PSG5: variants seen among roughly 807,000 people sequenced by gnomAD.
The protein encoded by PSG5 is pregnancy specific beta-1-glycoprotein 5, also known as pregnancy-specific beta-1-glycoprotein 5.
In PSG5, 53 loss-of-function variants were observed where a neutral mutation model predicts 37.7. That is an observed-to-expected ratio of 1.41 (90% CI 1.13 to 1.77). The LOEUF (loss-of-function observed/expected upper bound fraction) is 1.77, where lower values mean the gene tolerates loss of function less well. Among genes scored for constraint, PSG5 ranks in the 40% most tolerant of loss-of-function variants. The pLI, the probability that PSG5 is intolerant of heterozygous loss-of-function variation, is 0.00. For missense variants in PSG5, 547 were observed against 405.2 expected (o/e 1.35, Z -3.00); for synonymous variants, 221 against 155.4 (o/e 1.42, Z -3.14).
intron 4 of PSG5, chr19:43,171,146 G>T (rs1345346607): frequency 1.3e-5 from 2 of 151,494 alleles, no homozygotes; most frequent in African/African-American, 4.9e-5. Context: ...GCTTATCATG[G>T]TGTAAAAACT....
intron 2 of PSG5, among the ~76,000 whole-genome samples, chr19:43,182,722 T>TTTTTTTTTTTTTTTTTTTTTTC (rs1969155634): frequency 7.5e-6 from 1 of 134,078 alleles, no homozygotes; most frequent in Non-Finnish European, 1.6e-5. Flanking sequence ...TTTTTTTTTT[T>TTTTTTTTTTTTTTTTTTTTTTC]TGTGCAGGAG....
chr19:43,179,235 C>A, intron 2 of PSG5: 2 of 1,435,208 alleles, frequency 1.4e-6, no homozygotes, highest in Non-Finnish European at 1.9e-6. Context: ...TCAGAGTTGG[C>A]ATTTCCCACC....
rs143404539 is a variant in PSG5, at chr19:43,184,864, G to T, written c.348C>A (p.Asp116Glu). 1 of 1,612,552 alleles carries T rather than the reference G, an allele frequency of 6.2e-7. No individual in the cohort carries two copies. Among genetic ancestry groups the T allele is most frequent in the East Asian group, 2.2e-5 (1 of 44,870 alleles). ...SLLIQNVTRE[D>E]AGSYTLHIIK... ...TGATGTGTAAGGTGTAGGATCCTGC[G>T]TCTTCCCGGGTGACATTCTGGATCA... is the stretch of plus-strand genomic sequence containing the variant. Residue 116 changes from aspartate (D) to glutamate (E), a missense_variant, in exon 2 of 6, where the codon GAC (aspartate) becomes GAA (glutamate). Coordinates refer to ENST00000342951, the MANE Select transcript of PSG5 (RefSeq NM_002781.4).
chr19:43,176,184 G>A (rs774610160), intron 2 of PSG5, 36 bp from the exon 3 acceptor site: 21 of 1,604,764 alleles, frequency 1.3e-5, no homozygotes, highest in South Asian at 2.2e-5. Flanking sequence ...GTCCTGTGTG[G>A]CACCTTTGAT....
chr19:43,181,200 C>G (rs1317265210), intron 2 of PSG5, among the ~76,000 whole-genome samples: 1 of 151,586 alleles, frequency 6.6e-6, no homozygotes, highest in Non-Finnish European at 1.5e-5. Context: ...AACTGGTCCC[C>G]AAAACCACCA....
At chr19:43,179,405 G>T (rs1488431389) in intron 2 of PSG5, among the ~76,000 whole-genome samples, 1 of 151,620 alleles carries the variant, frequency 6.6e-6, no homozygotes, top group Non-Finnish European at 1.5e-5. Context: ...TTGGGTCATG[G>T]AAAGACACAG....
rs768986391 is a variant in PSG5 at position 43,183,476 on chromosome 19, G to A, written c.430+1306C>T. ...GGGCCTGTGCTGGAGCAGGGTCTGA[G>A]TGGGGAAAGAAAACAAAGTCCTCTC... On this transcript the variant is annotated intron_variant, in intron 2 of 5. Coordinates refer to ENST00000342951, the MANE Select transcript of PSG5 (RefSeq NM_002781.4). 1.9e-5 allele frequency: 10 copies of A among 529,248 alleles called. No individual in the cohort carries two copies. In the Admixed American group the frequency reaches 1.9e-4, roughly 10 times the overall value. The allele number at this position is 529,248 out of a possible 1,614,324, so 32.8% of individuals were successfully genotyped here.
intron 2 of PSG5, among the ~76,000 whole-genome samples, chr19:43,181,898 C>A (rs1461123826): frequency 6.6e-6 from 1 of 151,682 alleles, no homozygotes; most frequent in East Asian, 1.9e-4. Context: ...AATGTGAGCT[C>A]CATAGTAGTT....
chr19:43,184,757 C>A (rs1274894699), intron 2 of PSG5, 25 bp downstream of exon 2: 3 of 1,611,478 alleles, frequency 1.9e-6, no homozygotes, highest in East Asian at 2.2e-5. Context: ...CCCCCAACAC[C>A]CAGGGATCAT....
At chr19:43,184,338 A>C (rs1248264591) in intron 2 of PSG5, among the ~76,000 whole-genome samples, 2 of 151,664 alleles carry the variant, frequency 1.3e-5, no homozygotes, top group Non-Finnish European at 1.5e-5. Context: ...ACAACCCAGC[A>C]CTGGCACAGG....
rs541975651 is a variant in PSG5, at chr19:43,186,522, G to T, written c.-117C>A. The T allele has an allele frequency of 1.4e-4, 215 of 1,498,516 alleles. 8 individuals carry two copies. The African/African-American group carries it at 2.6e-3, about 18-fold the overall frequency. The allele number at this position is 1,498,516 out of a possible 1,614,324, so 92.8% of individuals were successfully genotyped here. A position where few individuals can be genotyped will look rare whatever the true frequency, so the allele number is the denominator to read the frequency against. On this transcript the variant is annotated 5_prime_UTR_variant, in exon 1 of 6. Transcript: ENST00000342951. Reference sequence around the variant, plus strand: ...CTTCTGTGCTGAGCCTCTCTCCAGGGCAGGAGCACTTCTCAGGCTCATGGG... The same window carrying T: ...CTTCTGTGCTGAGCCTCTCTCCAGGTCAGGAGCACTTCTCAGGCTCATGGG...
chr19:43,169,002 T>A (rs1437212832), intron 5 of PSG5, among the ~76,000 whole-genome samples: 6 of 151,660 alleles, frequency 4.0e-5, no homozygotes, highest in Admixed American at 2.6e-4. Context: ...CAGGGAAGAC[T>A]TAAAAATTAC....
At chr19:43,179,195 A>T in intron 2 of PSG5, 1 of 1,554,296 alleles carries the variant, frequency 6.4e-7, no homozygotes, top group Non-Finnish European at 8.8e-7. Flanking sequence ...CCTGTGTGGC[A>T]CCTTTGATTC....
At chr19:43,185,741 TA>T (rs1966921876) in intron 1 of PSG5, among the ~76,000 whole-genome samples, 2 of 151,674 alleles carry the variant, frequency 1.3e-5, no homozygotes, top group Admixed American at 1.3e-4. Context: ...CTTGGTGTTT[TA>T]TTTTCCCCCA....
At position 43,183,588 on chromosome 19, in the gene PSG5, G is replaced by A. The variant is rs534609897; in HGVS notation, c.430+1194C>T. The A allele has an allele frequency of 3.8e-4, 155 of 405,670 alleles. 6 individuals carry two copies. Among genetic ancestry groups the A allele is most frequent in the African/African-American group, 3.1e-3 (145 of 47,090 alleles). 25.1% of individuals were successfully genotyped at this position (405,670 alleles called of 1,614,324 possible). ...ATGGGGGTTAAGATCTGAGGGGGAGGCCTGGACATATTTTTTGCACTGACT... is the reference window on the plus strand; with the variant it reads ...ATGGGGGTTAAGATCTGAGGGGGAGACCTGGACATATTTTTTGCACTGACT... On this transcript the variant is annotated intron_variant, in intron 2 of 5. Transcript: ENST00000342951.
intron 2 of PSG5, among the ~76,000 whole-genome samples, chr19:43,183,028 G>C (rs951227153): frequency 8.6e-5 from 13 of 150,690 alleles, no homozygotes; most frequent in African/African-American, 3.2e-4. Flanking sequence ...GGAAGGCCTA[G>C]GGGTGGGGGA....
At chr19:43,168,912 T>C (rs1247425932) in intron 5 of PSG5, among the ~76,000 whole-genome samples, 3 of 151,622 alleles carry the variant, frequency 2.0e-5, no homozygotes, top group Non-Finnish European at 4.4e-5. Flanking sequence ...CCAGTACTTC[T>C]AGCTGAAAAT....
At chr19:43,170,471 GTC>G in intron 4 of PSG5, 1 of 447,434 alleles carries the variant, frequency 2.2e-6, no homozygotes, top group South Asian at 1.9e-5. Context: ...CTTTTTCTCA[GTC>G]TCTCTGTTGT....
At chr19:43,179,480 C>A (rs1181190532) in intron 2 of PSG5, among the ~76,000 whole-genome samples, 3 of 151,818 alleles carry the variant, frequency 2.0e-5, no homozygotes, top group Middle Eastern at 3.4e-3. Flanking sequence ...GCCTGACCCA[C>A]CTTGTGGTCC....
Sources: gnomAD v4.1 joint callset for allele counts (sites outside exome capture counted in the v4.1 genomes callset) on GRCh38, gnomAD v4.1.1 for gene constraint, MANE v1.5 for transcripts, NCBI Gene and HGNC (gene_info 2026-07-23, HGNC 2026-07-21) for gene names.